The following DAPK2 variants were observed in gnomAD, a reference collection of about 807,000 sequenced individuals.
The protein encoded by DAPK2 is death-associated protein kinase 2.
DAPK2 carries 35 observed loss-of-function variants against 44.1 expected under a neutral mutation model. The ratio of observed to expected loss-of-function variants is 0.79; its 90% CI spans 0.61 to 1.05. DAPK2 has a LOEUF of 1.05. Ranked by LOEUF, DAPK2 falls within the 50% of genes least tolerant of loss-of-function variation. DAPK2 has a pLI of 0.00. For synonymous variants in DAPK2, 174 were observed against 182.6 expected (o/e 0.95, Z 0.38); for missense variants, 453 against 483.2 (o/e 0.94, Z 0.59).
chr15:64,037,652 T>A (rs1486553001), intron 1 of DAPK2, among the ~76,000 whole-genome samples: 1 of 152,108 alleles, frequency 6.6e-6, no homozygotes, highest in Non-Finnish European at 1.5e-5. Context: ...GAGAAAAGAA[T>A]AGGACTGTCC....
At chr15:63,914,611 G>A (rs1175277170) in intron 8 of DAPK2, among the ~76,000 whole-genome samples, 2 of 152,086 alleles carry the variant, frequency 1.3e-5, no homozygotes, top group Non-Finnish European at 2.9e-5. Flanking sequence ...GCTTCCCTGT[G>A]CCCTCTATAC....
chr15:63,960,834 G>A (rs1185351560), intron 3 of DAPK2, among the ~76,000 whole-genome samples: 2 of 145,728 alleles, frequency 1.4e-5, no homozygotes, highest in East Asian at 3.8e-4. Context: ...TTGATTTGGG[G>A]TGGAGAGTTC....
At chr15:63,982,028 T>A (rs965819454) in intron 2 of DAPK2, among the ~76,000 whole-genome samples, 11 of 152,154 alleles carry the variant, frequency 7.2e-5, no homozygotes, top group Admixed American at 2.0e-4. Context: ...CCACCGAGTC[T>A]GTAGGCAGGT....
At chr15:63,955,581 T>C (rs745679375) in intron 3 of DAPK2, among the ~76,000 whole-genome samples, 1 of 152,184 alleles carries the variant, frequency 6.6e-6, no homozygotes, top group Non-Finnish European at 1.5e-5. Context: ...GTTGTCGTCA[T>C]TGTTTGAGAC....
intron 3 of DAPK2, among the ~76,000 whole-genome samples, chr15:63,953,281 C>T (rs2077639914): frequency 6.6e-6 from 1 of 152,158 alleles, no homozygotes; most frequent in South Asian, 2.1e-4. Context: ...TCTCCAGCTC[C>T]ATCCAAGTTC....
At chr15:63,950,786 T>C (rs897017261) in intron 3 of DAPK2, among the ~76,000 whole-genome samples, 1 of 152,126 alleles carries the variant, frequency 6.6e-6, no homozygotes, top group Non-Finnish European at 1.5e-5. Flanking sequence ...CCTCTCTAAA[T>C]CTCCATTGCC....
At chr15:63,963,203 C>A (rs1038327728) in intron 3 of DAPK2, among the ~76,000 whole-genome samples, 2 of 152,132 alleles carry the variant, frequency 1.3e-5, no homozygotes, top group Non-Finnish European at 2.9e-5. Flanking sequence ...ATTGGAAAAG[C>A]GCAGTATTAG....
At position 63,990,495 on chromosome 15, in the gene DAPK2, A is replaced by AGT. The variant is rs1360404461; in HGVS notation, c.93-6743_93-6742dup. ...CATTCCCTCTCTTAGTCGACTCTAAAGTGTCCAAAGATTGAGTGATGTACC... is the reference window on the plus strand; with the variant it reads ...CATTCCCTCTCTTAGTCGACTCTAAAGTGTGTCCAAAGATTGAGTGATGTACC... On this transcript the variant is annotated intron_variant, in intron 1 of 10. Coordinates refer to ENST00000261891, the Ensembl canonical transcript of DAPK2. This position sits in a 1 kb window ranked among gnomAD's most constrained non-coding sequence, Gnocchi z 4.3. Among the ~76,000 whole-genome samples the AGT allele has an allele frequency of 6.6e-6, 1 of 152,108 alleles. No individual in the cohort carries two copies. Among genetic ancestry groups the AGT allele is most frequent in the Non-Finnish European group, 1.5e-5 (1 of 68,022 alleles).
chr15:63,935,089 C>T (rs77186785), intron 4 of DAPK2, among the ~76,000 whole-genome samples: 43 of 124,434 alleles, frequency 3.5e-4, no homozygotes, highest in Middle Eastern at 4.3e-3. Context: ...TCTTTGCCTT[C>T]TTTTTTTTTT....
chr15:63,923,361 A>C lies in DAPK2; in HGVS notation c.858+1455T>G. 6.5e-7 allele frequency: 1 copy of C among 1,529,654 alleles called. No homozygotes were observed. Among genetic ancestry groups the C allele is most frequent in the Non-Finnish European group, 8.8e-7 (1 of 1,142,150 alleles). 94.8% of individuals were successfully genotyped at this position (1,529,654 alleles called of 1,614,324 possible). On this transcript the variant is annotated intron_variant, in intron 8 of 10. Coordinates refer to ENST00000261891, the Ensembl canonical transcript of DAPK2. The surrounding 1 kb of genome is among the most constrained non-coding windows in gnomAD (Gnocchi z 4.2). ...CCTTTTGACTGGTGGGTGTTCAGAC[A>C]GAAGAATCAGAGTGTTAATTTGCCG...
chr15:63,987,302 C>A (rs948130813), intron 1 of DAPK2, among the ~76,000 whole-genome samples: 6 of 152,120 alleles, frequency 3.9e-5, no homozygotes, highest in African/African-American at 1.4e-4. Flanking sequence ...GTTGAGGTCC[C>A]ACAGTGCAGA....
intron 1 of DAPK2, among the ~76,000 whole-genome samples, chr15:64,038,168 G>T (rs2080259128): frequency 6.6e-6 from 1 of 152,080 alleles, no homozygotes; most frequent in Non-Finnish European, 1.5e-5. Flanking sequence ...CAGTTTCTCT[G>T]CCCACCCAGA....
chr15:64,017,211 CA>C (rs1324589772), intron 1 of DAPK2, among the ~76,000 whole-genome samples: 9 of 152,182 alleles, frequency 5.9e-5, no homozygotes, highest in African/African-American at 2.2e-4. Context: ...GCACCTAATA[CA>C]TATTTGTTTT....
At chr15:64,045,919 G>C (rs1595934823) in intron 1 of DAPK2, among the ~76,000 whole-genome samples, 1 of 152,240 alleles carries the variant, frequency 6.6e-6, no homozygotes, top group Non-Finnish European at 1.5e-5. Flanking sequence ...GGGAGCAAGA[G>C]GTGAGAGAGT....
intron 1 of DAPK2, among the ~76,000 whole-genome samples, chr15:63,998,334 C>T (rs2079001295): frequency 6.6e-6 from 1 of 152,230 alleles, no homozygotes; most frequent in African/African-American, 2.4e-5. Context: ...CAAGCACATT[C>T]CTGCCTTGAG....
chr15:63,981,134 C>A, intron 2 of DAPK2, among the ~76,000 whole-genome samples: 1 of 150,812 alleles, frequency 6.6e-6, no homozygotes, highest in East Asian at 2.0e-4. Flanking sequence ...GGGCTCTGTC[C>A]TTATGAATGG....
At chr15:63,985,161 T>C (rs2078634788) in intron 1 of DAPK2, among the ~76,000 whole-genome samples, 1 of 151,944 alleles carries the variant, frequency 6.6e-6, no homozygotes, top group Admixed American at 6.5e-5. Context: ...GATGGAGCTC[T>C]AGGGAAAGAG....
chr15:63,912,169 C>T lies in DAPK2; in HGVS notation c.887G>A (p.Arg296His), dbSNP rs766325954. The T allele has an allele frequency of 8.1e-6, 13 of 1,613,902 alleles. No homozygotes were observed. The Admixed American group carries it at 1.2e-4, about 14-fold the overall frequency. ...CTCCAGATTGACCACAGACTCCCTG[C>T]GCACCATGGCTTGCTGGTTGTCCAC... is the stretch of plus-strand genomic sequence containing the variant. The change falls in exon 9 of 11, where the codon CGC becomes CAC. Residue 296 changes from arginine to histidine, a missense_variant. By Grantham distance (29) the Arg-to-His change is conservative (BLOSUM62 0). Transcript: ENST00000261891. This position sits in a 1 kb window ranked among gnomAD's most constrained non-coding sequence, Gnocchi z 4.4.
exon 10 of DAPK2, chr15:63,911,930 T>G: frequency 6.2e-7 from 1 of 1,613,780 alleles, no homozygotes; most frequent in Admixed American, 1.7e-5. Context: ...CGGCCTCAGG[T>G]GCACCTTCTT....
Sources: gnomAD v4.1 joint callset for allele counts (sites outside exome capture counted in the v4.1 genomes callset) on GRCh38, gnomAD v4.1.1 for gene constraint, Gnocchi (gnomAD v3.1) non-coding constraint, MANE v1.5 for transcripts, NCBI Gene and HGNC (gene_info 2026-07-23, HGNC 2026-07-21) for gene names.